Variants in CAST observed in about 807,000 individuals in gnomAD.
The protein encoded by CAST is MIR583 host.
CAST carries 76 observed loss-of-function variants against 119.6 expected under a neutral mutation model. That is an observed-to-expected ratio of 0.64 (90% confidence interval 0.53 to 0.77). The LOEUF is 0.77. CAST is among the 30% of genes least tolerant of loss of function. The probability of loss-of-function intolerance (pLI) is 0.00; values close to 1 mark genes in which losing one functional copy is unlikely to be tolerated. For synonymous variants in CAST, 319 were observed against 331.6 expected (o/e 0.96, Z 0.41); for missense variants, 953 against 946.5 (o/e 1.01, Z -0.09).
At chr5:96,728,175 A>T (rs1680983422) in intron 6 of CAST, 1 of 152,266 alleles carries the variant, frequency 6.6e-6, no homozygotes, top group Non-Finnish European at 1.5e-5. Context: ...TAAAGCAAGT[A>T]CTAAGACAAG....
the CAST span, among the ~76,000 whole-genome samples, chr5:96,356,511 A>G: frequency 1.3e-5 from 2 of 152,160 alleles, no homozygotes; most frequent in Non-Finnish European, 2.9e-5. Context: ...ATTTTTGCAT[A>G]AGGTGTAAGG....
the CAST span, among the ~76,000 whole-genome samples, chr5:96,002,133 G>A: frequency 6.6e-6 from 1 of 152,196 alleles, no homozygotes; most frequent in African/African-American, 2.4e-5. Context: ...CCATTTAGGA[G>A]CAACCATTGT....
chr5:96,580,504 G>T (rs999405498), intron 1 of CAST, among the ~76,000 whole-genome samples: 1 of 152,154 alleles, frequency 6.6e-6, no homozygotes, highest in African/African-American at 2.4e-5. Context: ...CTCTACTACA[G>T]TGTTTCTCAA....
the CAST span, among the ~76,000 whole-genome samples, chr5:96,350,684 ATTTAT>A: frequency 2.0e-5 from 3 of 151,862 alleles, no homozygotes; most frequent in Non-Finnish European, 4.4e-5. Context: ...GGGTCCCGAG[ATTTAT>A]TTTCTTTTCA....
At chr5:96,076,341 G>C in the CAST span, among the ~76,000 whole-genome samples, 2 of 152,102 alleles carry the variant, frequency 1.3e-5, no homozygotes, top group Non-Finnish European at 2.9e-5. Flanking sequence ...TAAATATTTA[G>C]TAAAAACACA....
chr5:96,087,752 G>A, the CAST span, among the ~76,000 whole-genome samples: 14 of 152,196 alleles, frequency 9.2e-5, no homozygotes, highest in African/African-American at 2.2e-4. Flanking sequence ...TAGAGCTAAC[G>A]ATGGCAAATC....
At chr5:96,041,594 A>G in the CAST span, among the ~76,000 whole-genome samples, 1 of 152,166 alleles carries the variant, frequency 6.6e-6, no homozygotes, top group Non-Finnish European at 1.5e-5. Context: ...TGAGTTCACT[A>G]ACTATAATAA....
chr5:96,437,425 G>A, the CAST span, among the ~76,000 whole-genome samples: 1 of 152,158 alleles, frequency 6.6e-6, no homozygotes, highest in Non-Finnish European at 1.5e-5. Flanking sequence ...TTTACTGAGT[G>A]AGTTGCAGAG....
chr5:96,694,844 T>A (rs907782844), intron 2 of CAST, among the ~76,000 whole-genome samples: 1 of 152,220 alleles, frequency 6.6e-6, no homozygotes, highest in Non-Finnish European at 1.5e-5. Context: ...AAGGATTTTT[T>A]AAAAATTACT....
Position 96,765,392 on chromosome 5 carries a change from C to G in CAST, c.2037+67C>G, listed in dbSNP as rs993506650. 4.4e-5 allele frequency: 33 copies of G among 754,102 alleles called. 1 individual carries two copies. Among genetic ancestry groups the G allele is most frequent in the African/African-American group, 4.0e-4 (22 of 54,470 alleles). The allele number at this position is 754,102 out of a possible 1,614,324, so 46.7% of individuals were successfully genotyped here. On this transcript the variant is annotated intron_variant, in intron 26 of 31. Coordinates refer to ENST00000675179, the MANE Select transcript of CAST (RefSeq NM_001750.7). ...AAATTTTAATCCTTGGGTCTTGACTCTGTCATTGTCATAGGAATATTGATG... is the reference window on the plus strand; with the variant it reads ...AAATTTTAATCCTTGGGTCTTGACTGTGTCATTGTCATAGGAATATTGATG...
the CAST span, among the ~76,000 whole-genome samples, chr5:96,124,830 G>A: frequency 6.6e-6 from 1 of 152,070 alleles, no homozygotes; most frequent in Non-Finnish European, 1.5e-5. Flanking sequence ...CAGAACTGAG[G>A]GTTATAGCAA....
chr5:96,463,865 C>T, the CAST span, among the ~76,000 whole-genome samples: 2 of 152,044 alleles, frequency 1.3e-5, no homozygotes, highest in Admixed American at 6.6e-5. Context: ...TTCATTTTAT[C>T]TTCATCTCTT....
chr5:96,652,373 G>A (rs375010489), intron 1 of CAST, among the ~76,000 whole-genome samples: 1 of 152,204 alleles, frequency 6.6e-6, no homozygotes, highest in East Asian at 1.9e-4. Flanking sequence ...GGGTCATGGG[G>A]ATTTTTTTAA....
the CAST span, among the ~76,000 whole-genome samples, chr5:96,355,066 G>T: frequency 1.3e-5 from 2 of 151,936 alleles, no homozygotes; most frequent in Non-Finnish European, 2.9e-5. Flanking sequence ...AGAACGTGCA[G>T]GTTTTTTACA....
At chr5:96,639,098 A>G (rs2150203001) in intron 1 of CAST, among the ~76,000 whole-genome samples, 1 of 152,310 alleles carries the variant, frequency 6.6e-6, no homozygotes, top group East Asian at 1.9e-4. Flanking sequence ...ATATACCAAC[A>G]TTGTATATAA....
At chr5:96,724,765 G>C (rs1758952122) in intron 4 of CAST, among the ~76,000 whole-genome samples, 1 of 152,076 alleles carries the variant, frequency 6.6e-6, no homozygotes, top group Non-Finnish European at 1.5e-5. Context: ...CAAGGCTGCA[G>C]CAAGCTGTGA....
In CAST at chr5:96,743,626, G is replaced by A. The variant is rs146021185; in HGVS notation, c.1200+870G>A. ...TGAGTCTGGGACTGCCCTGGCCTAA[G>A]ATGGGCCAGTTTCTATCTTCGACTT... On this transcript the variant is annotated intron_variant, in intron 16 of 31. Coordinates refer to ENST00000675179, the MANE Select transcript of CAST (RefSeq NM_001750.7). The A allele has an allele frequency of 1.0e-3, 1,661 of 1,612,620 alleles. 21 individuals are homozygous for A. In the South Asian group the frequency reaches 0.012, roughly 11 times the overall value.
the CAST span, among the ~76,000 whole-genome samples, chr5:96,309,798 T>C: frequency 6.6e-6 from 1 of 152,316 alleles, no homozygotes; most frequent in Middle Eastern, 3.4e-3. Flanking sequence ...GTCCAACCAG[T>C]CCCATTGAGA....
chr5:96,253,276 T>C, the CAST span, among the ~76,000 whole-genome samples: 1 of 152,110 alleles, frequency 6.6e-6, no homozygotes, highest in African/African-American at 2.4e-5. Flanking sequence ...TTTGTTTCTC[T>C]TCACAGGAGG....
Sources: gnomAD v4.1 joint callset for allele counts (sites outside exome capture counted in the v4.1 genomes callset) on GRCh38, gnomAD v4.1.1 for gene constraint, MANE v1.5 for transcripts, NCBI Gene and HGNC (gene_info 2026-07-23, HGNC 2026-07-21) for gene names.